Variants in DGKI observed in about 807,000 individuals in gnomAD.
DGKI encodes DAG kinase iota.
A neutral mutation model predicts 147.5 loss-of-function variants in DGKI; 55 were observed. The observed-to-expected ratio is 0.37, with a 90% CI of 0.30 to 0.47. The LOEUF (loss-of-function observed/expected upper bound fraction) is 0.47. Among genes scored for constraint, DGKI ranks in the 20% least tolerant of loss-of-function variants. The pLI is 1.00. For synonymous variants in DGKI, 469 were observed against 477.1 expected, an observed-to-expected ratio of 0.98 and a Z score of 0.22; for missense variants, 1,007 against 1,323.8, an observed-to-expected ratio of 0.76 and a Z score of 3.71.
intron 1 of DGKI, among the ~76,000 whole-genome samples, chr7:137,844,175 T>A (rs897356222): frequency 2.6e-5 from 4 of 152,206 alleles, no homozygotes; most frequent in African/African-American, 9.7e-5. Flanking sequence ...ATGGCCGCCA[T>A]GACGAGTGGG....
chr7:137,453,938 T>A (rs180696250), intron 27 of DGKI, among the ~76,000 whole-genome samples: 321 of 151,768 alleles, frequency 2.1e-3, no homozygotes, highest in Non-Finnish European at 3.2e-3. Context: ...TTTTTTTTTT[T>A]AAATAGATTC....
intron 6 of DGKI, among the ~76,000 whole-genome samples, chr7:137,629,241 T>A (rs887365953): frequency 3.9e-5 from 6 of 152,222 alleles, no homozygotes; most frequent in African/African-American, 9.6e-5. Context: ...AAAAAGTACT[T>A]TTATGTATTT....
chr7:137,761,518 T>C (rs10277480), intron 1 of DGKI, among the ~76,000 whole-genome samples: 67,043 of 152,048 alleles, frequency 0.44, 16,018 homozygotes, highest in African/African-American at 0.64. Context: ...TTAATGACTA[T>C]TTTCTTACCT....
chr7:137,624,571 C>T (rs536906994), intron 6 of DGKI, among the ~76,000 whole-genome samples: 1 of 151,984 alleles, frequency 6.6e-6, no homozygotes, highest in Admixed American at 6.6e-5. Context: ...TATATACTAC[C>T]GAGCATTTCC....
chr7:137,830,480 G>A (rs1052593401), intron 1 of DGKI, among the ~76,000 whole-genome samples: 2 of 152,176 alleles, frequency 1.3e-5, no homozygotes, highest in African/African-American at 4.8e-5. Context: ...TTTGAACAAA[G>A]GCACCATATG....
Position 137,407,923 on chromosome 7 carries a change from C to T in DGKI, c.2872G>A (p.Ala958Thr), listed in dbSNP as rs765986930. The T allele has an allele frequency of 6.8e-6, 11 of 1,613,996 alleles. No homozygotes were observed. Among genetic ancestry groups the T allele is most frequent in the Admixed American group, 1.7e-5 (1 of 59,990 alleles). Reference protein sequence around the residue: ...GPDHCSLLHYAAKTGNGEIVK... With the variant: ...GPDHCSLLHYTAKTGNGEIVK... ...ATCTCCCCGTTGCCGGTTTTAGCTG[C>T]GTAGTGAAGGAGTGAACAGTGGTCT... The change falls in exon 30 of 33, where the codon GCA (alanine) becomes ACA (threonine). Residue 958 changes from alanine (A) to threonine (T), a missense_variant. Coordinates refer to ENST00000614521, the MANE Select transcript of DGKI (RefSeq NM_001321708.2).
intron 31 of DGKI, 186 bp from the exon 32 acceptor site, chr7:137,395,883 A>C (rs1481743710): frequency 1.8e-6 from 1 of 561,616 alleles, no homozygotes; most frequent in Admixed American, 3.0e-5. Context: ...CTAGCCATCA[A>C]CTGATCATAA....
In DGKI at chr7:137,623,630, A is replaced by G. The variant is rs76928202; in HGVS notation, c.805-76T>C. 3,470 of 1,306,146 alleles carry G rather than the reference A, an allele frequency of 2.7e-3. 84 individuals are homozygous for G. The African/African-American group carries it at 0.044, about 17-fold the overall frequency. The allele number at this position is 1,306,146 out of a possible 1,614,324, so 80.9% of individuals were successfully genotyped here. A position where few individuals can be genotyped will look rare whatever the true frequency, so the allele number is the denominator to read the frequency against. ...CGCACATTTGCCCTCCTGAAGTGCA[A>G]TGACGTGAATAAGGCCAGAAGGCCA... On this transcript the variant is annotated intron_variant, in intron 6 of 32. Transcript: ENST00000614521.
intron 3 of DGKI, among the ~76,000 whole-genome samples, chr7:137,671,864 C>T (rs558627187): frequency 3.3e-5 from 5 of 152,250 alleles, no homozygotes; most frequent in Non-Finnish European, 5.9e-5. Context: ...ACATTATCTA[C>T]GAGGAAAAGA....
intron 21 of DGKI, chr7:137,513,805 G>A (rs1816658522): frequency 1.6e-6 from 1 of 610,686 alleles, no homozygotes; most frequent in Non-Finnish European, 3.0e-6. Flanking sequence ...TAAAACTATG[G>A]TATTAAAATC....
intron 32 of DGKI, among the ~76,000 whole-genome samples, chr7:137,393,395 C>T (rs945194697): frequency 1.3e-5 from 2 of 152,112 alleles, no homozygotes; most frequent in South Asian, 2.1e-4. Context: ...CATGGCTTCT[C>T]TCTGTTTTTA....
At chr7:137,596,185 G>A (rs1563103612) in intron 12 of DGKI, among the ~76,000 whole-genome samples, 1 of 151,936 alleles carries the variant, frequency 6.6e-6, no homozygotes, top group Non-Finnish European at 1.5e-5. Context: ...CATAGCTTAT[G>A]TGGATTTGAG....
At chr7:137,471,077 A>C (rs1814864069) in intron 23 of DGKI, among the ~76,000 whole-genome samples, 1 of 152,238 alleles carries the variant, frequency 6.6e-6, no homozygotes, top group African/African-American at 2.4e-5. Flanking sequence ...TTCTCTACTA[A>C]GAGAAGCCTG....
At chr7:137,568,082 A>C (rs573037062) in intron 19 of DGKI, among the ~76,000 whole-genome samples, 24 of 152,114 alleles carry the variant, frequency 1.6e-4, no homozygotes, top group Admixed American at 3.9e-4. Context: ...CTTTAAAAAA[A>C]TTTTACTAAC....
At position 137,677,605 on chromosome 7, in the gene DGKI, A is replaced by C. The variant is rs1041723796; in HGVS notation, c.606+952T>G. On this transcript the variant is annotated intron_variant, in intron 3 of 32. Transcript: ENST00000614521. ...CGTTGGGGGCTATACATATCCTTCT[A>C]TAAGCTTTGATGGAAACTCGATTTA... is the stretch of plus-strand genomic sequence containing the variant. Among the ~76,000 whole-genome samples, 118 of 152,234 alleles carry C rather than the reference A, an allele frequency of 7.8e-4. 1 individual carries two copies. The highest frequency in any genetic ancestry group is 2.6e-4 in the Non-Finnish European group (18 of 68,038).
At chr7:137,663,221 GC>G (rs1219253336) in intron 3 of DGKI, among the ~76,000 whole-genome samples, 1 of 152,180 alleles carries the variant, frequency 6.6e-6, no homozygotes, top group Non-Finnish European at 1.5e-5. Flanking sequence ...TTCTGTCCTT[GC>G]AAGAGCTGGC....
intron 28 of DGKI, among the ~76,000 whole-genome samples, chr7:137,422,039 G>A (rs905345439): frequency 1.3e-5 from 2 of 152,162 alleles, no homozygotes; most frequent in Non-Finnish European, 2.9e-5. Context: ...AAACACCACT[G>A]CAACTATCTC....
At chr7:137,755,126 A>G (rs1417818303) in intron 1 of DGKI, among the ~76,000 whole-genome samples, 1 of 152,154 alleles carries the variant, frequency 6.6e-6, no homozygotes, top group Non-Finnish European at 1.5e-5. Context: ...AATTAGGTAT[A>G]TATTAGACCC....
At chr7:137,811,297 T>C (rs1797560753) in intron 1 of DGKI, among the ~76,000 whole-genome samples, 1 of 152,040 alleles carries the variant, frequency 6.6e-6, no homozygotes. Context: ...AGCTCTATTC[T>C]AACCAAGAAC....
Sources: gnomAD v4.1 joint callset for allele counts (sites outside exome capture counted in the v4.1 genomes callset) on GRCh38, gnomAD v4.1.1 for gene constraint, MANE v1.5 for transcripts, NCBI Gene and HGNC (gene_info 2026-07-23, HGNC 2026-07-21) for gene names.